PLA2G4C: variants seen among roughly 807,000 people sequenced by gnomAD.
PLA2G4C encodes cytosolic phospholipase A2 gamma.
In PLA2G4C, 64 loss-of-function variants were observed where a neutral mutation model predicts 73.8. That is an observed-to-expected ratio of 0.87 (90% CI 0.71 to 1.07). The LOEUF is 1.07. Among genes scored for constraint, PLA2G4C ranks in the 50% least tolerant of loss-of-function variants. The probability of loss-of-function intolerance (pLI) is 0.00; values close to 1 mark genes in which losing one functional copy is unlikely to be tolerated. For synonymous variants in PLA2G4C, 254 were observed against 252.1 expected (o/e 1.01, Z -0.07); for missense variants, 622 against 665.4 (o/e 0.93, Z 0.72).
chr19:48,091,664 G>A (rs114577096), intron 7 of PLA2G4C, among the ~76,000 whole-genome samples: 147 of 152,036 alleles, frequency 9.7e-4, no homozygotes, highest in Admixed American at 3.7e-3. Context: ...TGAGGTGGGC[G>A]GATCAATTGA....
At chr19:48,084,270 G>T (rs2030840988) in intron 10 of PLA2G4C, among the ~76,000 whole-genome samples, 1 of 152,074 alleles carries the variant, frequency 6.6e-6, no homozygotes, top group African/African-American at 2.4e-5. Flanking sequence ...ATGTTACCCA[G>T]CTTGCACTCG....
intron 10 of PLA2G4C, among the ~76,000 whole-genome samples, chr19:48,084,169 T>C (rs1030094942): frequency 3.3e-5 from 5 of 151,582 alleles, no homozygotes; most frequent in African/African-American, 1.2e-4. Flanking sequence ...AAGCGATTCT[T>C]GTGCCTCAAC....
At chr19:48,063,812 A>C (rs1968298378) in intron 13 of PLA2G4C, 1 of 151,534 alleles carries the variant, frequency 6.6e-6, no homozygotes, top group South Asian at 2.1e-4. Flanking sequence ...AATCATTTAC[A>C]ATCTATTCTC....
At chr19:48,078,450 T>C (rs1412142647) in intron 10 of PLA2G4C, among the ~76,000 whole-genome samples, 1 of 152,116 alleles carries the variant, frequency 6.6e-6, no homozygotes, top group Non-Finnish European at 1.5e-5. Flanking sequence ...GATGATATGA[T>C]TGTACACCTA....
chr19:48,092,848 C>T (rs1328414479), intron 7 of PLA2G4C, among the ~76,000 whole-genome samples: 1 of 152,092 alleles, frequency 6.6e-6, no homozygotes, highest in Non-Finnish European at 1.5e-5. Flanking sequence ...GATGGTTGCA[C>T]AACATTATGA....
Position 48,048,355 on chromosome 19 carries a change from G to A in PLA2G4C, c.1614C>T (p.Cys538=). ...LYYPKDSARS[C]CLA is the part of the protein sequence containing the mutation. ...AGCTGAGGCTCATCTATGCCAAGCA[G>A]CAACTTCGGGCACTATCCTTCGGGT... Residue 538 remains cysteine (C), a synonymous_variant, in exon 17 of 17, where the codon TGC becomes TGT. Transcript: ENST00000599921. The A allele has an allele frequency of 6.3e-7, 1 of 1,598,078 alleles. No individual in the cohort carries two copies. The highest frequency in any genetic ancestry group is 1.8e-5 in the Admixed American group (1 of 55,528).
At chr19:48,059,765 T>A (rs1029637602) in intron 14 of PLA2G4C, among the ~76,000 whole-genome samples, 3 of 111,080 alleles carry the variant, frequency 2.7e-5, no homozygotes, top group Non-Finnish European at 5.2e-5. Flanking sequence ...GCTTCCCTAC[T>A]TTTTTTTTTT....
At chr19:48,104,806 G>C in intron 3 of PLA2G4C, 82 bp from the exon 4 acceptor site, 2 of 1,402,672 alleles carry the variant, frequency 1.4e-6, no homozygotes. Flanking sequence ...CCTGGGGCCG[G>C]GCACCGTGGC....
chr19:48,108,515 G>A (rs1373558540), intron 1 of PLA2G4C, among the ~76,000 whole-genome samples: 2 of 152,160 alleles, frequency 1.3e-5, no homozygotes, highest in Non-Finnish European at 2.9e-5. Context: ...TGCGACCCCT[G>A]GTTACGTGAC....
At chr19:48,098,102 C>A in intron 6 of PLA2G4C, 37 bp downstream of exon 6, 1 of 1,607,734 alleles carries the variant, frequency 6.2e-7, no homozygotes, top group Middle Eastern at 1.7e-4. Context: ...CTGTTCCATC[C>A]CTTACTACCT....
chr19:48,052,965 A>T, intron 16 of PLA2G4C, 32 bp downstream of exon 16: 3 of 1,580,324 alleles, frequency 1.9e-6, no homozygotes. Context: ...GAACGAGCAT[A>T]GGCATCAGAG....
intron 9 of PLA2G4C, 27 bp from the exon 10 acceptor site, chr19:48,085,139 A>C: frequency 6.4e-7 from 1 of 1,556,580 alleles, no homozygotes; most frequent in Non-Finnish European, 8.9e-7. Context: ...AATAAAATTC[A>C]AACATTCTCC....
At chr19:48,098,437 C>T (rs898408254) in intron 5 of PLA2G4C, among the ~76,000 whole-genome samples, 178 bp from the exon 6 acceptor site, 3 of 151,656 alleles carry the variant, frequency 2.0e-5, no homozygotes, top group Non-Finnish European at 4.4e-5. Context: ...GCAATCCACC[C>T]ACCTCAACCT....
At chr19:48,065,705 G>A (rs1968388517) in intron 13 of PLA2G4C, among the ~76,000 whole-genome samples, 1 of 152,122 alleles carries the variant, frequency 6.6e-6, no homozygotes, top group Non-Finnish European at 1.5e-5. Flanking sequence ...AGGAATGTCT[G>A]GGTTATGACA....
intron 10 of PLA2G4C, among the ~76,000 whole-genome samples, chr19:48,079,013 C>T (rs113510577): frequency 1.3e-4 from 20 of 152,086 alleles, no homozygotes; most frequent in Admixed American, 8.5e-4. Context: ...GGATTACAGG[C>T]GCATGCACCA....
At chr19:48,073,875 G>A (rs997025337) in intron 12 of PLA2G4C, among the ~76,000 whole-genome samples, 2 of 151,948 alleles carry the variant, frequency 1.3e-5, no homozygotes, top group Non-Finnish European at 2.9e-5. Context: ...AGAGGATGAC[G>A]CTAAGCCATT....
At chr19:48,093,434 G>A (rs1250867591) in intron 7 of PLA2G4C, among the ~76,000 whole-genome samples, 3 of 152,052 alleles carry the variant, frequency 2.0e-5, no homozygotes, top group African/African-American at 4.8e-5. Context: ...CAACTTCTAA[G>A]TTTACACACC....
At chr19:48,106,111 T>C (rs1453187518) in intron 2 of PLA2G4C, among the ~76,000 whole-genome samples, 2 of 149,006 alleles carry the variant, frequency 1.3e-5, no homozygotes, top group Non-Finnish European at 3.0e-5. Context: ...TAAGACAGGG[T>C]CTTGCTCTGT....
At chr19:48,092,876 C>T (rs2031384275) in intron 7 of PLA2G4C, among the ~76,000 whole-genome samples, 1 of 152,134 alleles carries the variant, frequency 6.6e-6, no homozygotes, top group African/African-American at 2.4e-5. Flanking sequence ...GTATTTATAC[C>T]ACTGTACTTG....
Sources: allele counts gnomAD v4.1 joint callset (sites outside exome capture counted in the v4.1 genomes callset), GRCh38; gene constraint gnomAD v4.1.1; transcripts MANE v1.5; gene names NCBI Gene and HGNC (gene_info 2026-07-23, HGNC 2026-07-21).